Variants in ATG7 observed in about 807,000 individuals in gnomAD.
The protein encoded by ATG7 is ubiquitin-like modifier-activating enzyme ATG7.
Under a neutral mutation model 82.4 loss-of-function variants are expected in ATG7, and 70 were observed. The ratio of observed to expected loss-of-function variants is 0.85; its 90% CI spans 0.70 to 1.04. The LOEUF (loss-of-function observed/expected upper bound fraction) is 1.04, where lower values mean the gene tolerates loss of function less well. Ranked by LOEUF, ATG7 falls within the 50% of genes least tolerant of loss-of-function variation. The probability of loss-of-function intolerance (pLI) is 0.00; values close to 1 mark genes in which losing one functional copy is unlikely to be tolerated. For missense variants in ATG7, 792 were observed against 864.3 expected (o/e 0.92, Z 1.05); for synonymous variants, 287 against 313.0 (o/e 0.92, Z 0.88).
chr3:11,443,628 C>G (rs1484846381), intron 20 of ATG7, among the ~76,000 whole-genome samples: 1 of 152,158 alleles, frequency 6.6e-6, no homozygotes, highest in Non-Finnish European at 1.5e-5. Context: ...CTCAAATGAT[C>G]CACCTGCCTC....
chr3:11,355,864 A>G (rs2075898105), intron 14 of ATG7, among the ~76,000 whole-genome samples: 1 of 152,240 alleles, frequency 6.6e-6, no homozygotes. Flanking sequence ...AAGAGAAATG[A>G]AAACATATAT....
chr3:11,492,863 A>T (rs1286553368), intron 20 of ATG7, among the ~76,000 whole-genome samples: 2 of 152,238 alleles, frequency 1.3e-5, no homozygotes, highest in Admixed American at 1.3e-4. Flanking sequence ...TGCAGACCCC[A>T]CGGCAGTGTC....
chr3:11,481,292 A>T (rs1223203239), intron 20 of ATG7, among the ~76,000 whole-genome samples: 4 of 152,248 alleles, frequency 2.6e-5, no homozygotes, highest in Non-Finnish European at 5.9e-5. Context: ...TGAACTGTGC[A>T]GTTAAAAATG....
At chr3:11,338,219 G>A (rs1952859259) in intron 11 of ATG7, among the ~76,000 whole-genome samples, 1 of 152,162 alleles carries the variant, frequency 6.6e-6, no homozygotes, top group East Asian at 1.9e-4. Context: ...TTGGTTTTCT[G>A]TTCCTGCACT....
At chr3:11,505,420 C>T (rs1023409736) in intron 20 of ATG7, among the ~76,000 whole-genome samples, 3 of 152,156 alleles carry the variant, frequency 2.0e-5, no homozygotes, top group Non-Finnish European at 2.9e-5. Context: ...GAATTGAAGA[C>T]ATGGACCTTT....
At chr3:11,483,164 T>G (rs1047070027) in intron 20 of ATG7, among the ~76,000 whole-genome samples, 2 of 152,120 alleles carry the variant, frequency 1.3e-5, no homozygotes, top group Non-Finnish European at 2.9e-5. Context: ...GCCCCTCACA[T>G]TTTAATAAGC....
chr3:11,564,688 A>ACCTC, the ATG7 span: 36 of 1,328,048 alleles, frequency 2.7e-5, no homozygotes, highest in South Asian at 6.5e-5. Context: ...CTCCCTCACC[A>ACCTC]CCTCCCTCCC....
intron 9 of ATG7, among the ~76,000 whole-genome samples, chr3:11,316,868 G>C (rs1949488476): frequency 6.6e-6 from 1 of 152,018 alleles, no homozygotes; most frequent in South Asian, 2.1e-4. Flanking sequence ...GAATATATCA[G>C]AGCTGAAAAA....
chr3:11,426,959 C>G, intron 20 of ATG7, 33 bp downstream of exon 20: 6 of 1,547,454 alleles, frequency 3.9e-6, no homozygotes, highest in Non-Finnish European at 5.2e-6. Flanking sequence ...GTAGTGAAGA[C>G]TGACATGCTT....
chr3:11,461,026 C>G (rs973917139), intron 20 of ATG7, among the ~76,000 whole-genome samples: 3 of 152,158 alleles, frequency 2.0e-5, no homozygotes, highest in Non-Finnish European at 4.4e-5. Flanking sequence ...GATATAATGA[C>G]ACACATGAGA....
chr3:11,292,329 G>C (rs1186032231), intron 3 of ATG7, among the ~76,000 whole-genome samples: 1 of 145,948 alleles, frequency 6.9e-6, no homozygotes, highest in African/African-American at 2.6e-5. Flanking sequence ...TCTCCATCTT[G>C]GCTCACTGCA....
chr3:11,537,000 C>G (rs977197844), intron 20 of ATG7, among the ~76,000 whole-genome samples: 1 of 152,094 alleles, frequency 6.6e-6, no homozygotes, highest in Non-Finnish European at 1.5e-5. Context: ...GCTTCCTGCC[C>G]GAGTTCTGCA....
intron 20 of ATG7, among the ~76,000 whole-genome samples, chr3:11,491,937 G>A (rs1055735813): frequency 6.6e-6 from 1 of 152,210 alleles, no homozygotes; most frequent in African/African-American, 2.4e-5. Flanking sequence ...CCTGCCCCCA[G>A]AGGTGGAGCC....
chr3:11,450,238 C>T (rs1022690987), intron 20 of ATG7, among the ~76,000 whole-genome samples: 3 of 152,170 alleles, frequency 2.0e-5, no homozygotes, highest in Admixed American at 6.5e-5. Flanking sequence ...AGAGCCAAGT[C>T]GTTTGGCTCC....
chr3:11,348,330 C>G (rs1954894560), intron 14 of ATG7: 2 of 310,556 alleles, frequency 6.4e-6, no homozygotes, highest in Middle Eastern at 1.0e-3. Context: ...GTGAGTGTTA[C>G]AGCTCTTAAA....
At chr3:11,440,810 A>G (rs979801809) in intron 20 of ATG7, among the ~76,000 whole-genome samples, 6 of 147,240 alleles carry the variant, frequency 4.1e-5, no homozygotes, top group African/African-American at 1.3e-4. Context: ...CAGCCTCCCA[A>G]GCAGCTGGGA....
At chr3:11,311,723 T>A (rs760104616) in intron 7 of ATG7, among the ~76,000 whole-genome samples, 1 of 152,034 alleles carries the variant, frequency 6.6e-6, no homozygotes, top group Non-Finnish European at 1.5e-5. Context: ...TCTGGAGGTG[T>A]TTTTGCTTTC....
At chr3:11,466,613 C>T (rs183514612) in intron 20 of ATG7, among the ~76,000 whole-genome samples, 2 of 152,350 alleles carry the variant, frequency 1.3e-5, no homozygotes, top group Admixed American at 1.3e-4. Context: ...CCATTATTTA[C>T]AACAGGTTTC....
chr3:11,535,428 C>G (rs1456072892), intron 20 of ATG7, among the ~76,000 whole-genome samples: 2 of 152,196 alleles, frequency 1.3e-5, no homozygotes, highest in African/African-American at 4.8e-5. Context: ...AAGTCTTCTG[C>G]GTCGGCCCTC....
Sources: gnomAD v4.1 joint callset for allele counts (sites outside exome capture counted in the v4.1 genomes callset) on GRCh38, gnomAD v4.1.1 for gene constraint, MANE v1.5 for transcripts, NCBI Gene and HGNC (gene_info 2026-07-23, HGNC 2026-07-21) for gene names.